Variants in ERG observed in about 807,000 individuals in gnomAD.
ERG encodes the protein transcriptional regulator ERG.
In ERG, 9 loss-of-function variants were observed where a neutral mutation model predicts 55.3. That is an observed-to-expected ratio of 0.16 (90% CI 0.10 to 0.28). The LOEUF is 0.28. ERG is among the 10% of genes least tolerant of loss of function. The pLI, the probability that ERG is intolerant of heterozygous loss-of-function variation, is 1.00. For missense variants in ERG, 434 were observed against 631.6 expected (o/e 0.69, Z 3.35); for synonymous variants, 223 against 237.3 (o/e 0.94, Z 0.55).
At chr21:38,592,837 G>T (rs1041297166) in intron 1 of ERG, among the ~76,000 whole-genome samples, 9 of 152,136 alleles carry the variant, frequency 5.9e-5, no homozygotes, top group African/African-American at 2.4e-5. Flanking sequence ...CTTCTTGTCA[G>T]TCTTATTTCA....
Position 38,383,199 on chromosome 21 carries a change from A to G in ERG, c.*204T>C, listed in dbSNP as rs371955859. 1.8e-4 allele frequency: 236 copies of G among 1,285,006 alleles called. 2 individuals are homozygous for G. In the African/African-American group the frequency reaches 3.3e-3, roughly 18 times the overall value. 79.6% of individuals were successfully genotyped at this position (1,285,006 alleles called of 1,614,324 possible). ...CAGATGATATGTCCATATTCGTGAC[A>G]TTTTTAGCATCCTCCTCATTTCTGT... On this transcript the variant is annotated 3_prime_UTR_variant, in exon 10 of 10. Transcript: ENST00000288319. This position sits in a 1 kb window ranked among gnomAD's most constrained non-coding sequence, Gnocchi z 5.7.
At chr21:38,465,686 C>T (rs927921811) in intron 1 of ERG, among the ~76,000 whole-genome samples, 5 of 152,146 alleles carry the variant, frequency 3.3e-5, no homozygotes, top group African/African-American at 1.2e-4. Context: ...CTATCTTCCT[C>T]TCGGGTTTGC....
At chr21:38,538,733 G>A (rs2059729714) in intron 2 of ERG, among the ~76,000 whole-genome samples, 1 of 152,018 alleles carries the variant, frequency 6.6e-6, no homozygotes, top group Admixed American at 6.5e-5. Context: ...GGGGACAGAA[G>A]ACATGTGGGC....
chr21:38,414,807 C>T (rs1989208214), intron 3 of ERG, among the ~76,000 whole-genome samples: 1 of 120,324 alleles, frequency 8.3e-6, no homozygotes, highest in African/African-American at 2.8e-5. Flanking sequence ...ACTGAAATCA[C>T]CTATTTTAAA....
At chr21:38,398,685 T>C (rs953565118) in intron 6 of ERG, among the ~76,000 whole-genome samples, 1 of 152,148 alleles carries the variant, frequency 6.6e-6, no homozygotes, top group Admixed American at 6.5e-5. Context: ...GGATGGGCCA[T>C]ACCTTCCAAA....
intron 2 of ERG, among the ~76,000 whole-genome samples, chr21:38,516,859 T>A (rs1333517765): frequency 1.3e-5 from 2 of 151,836 alleles, no homozygotes; most frequent in Non-Finnish European, 2.9e-5. Flanking sequence ...GTAACATACA[T>A]TGGGAAAAAG....
At chr21:38,521,626 A>G (rs971657801) in intron 2 of ERG, among the ~76,000 whole-genome samples, 2 of 152,224 alleles carry the variant, frequency 1.3e-5, no homozygotes, top group African/African-American at 4.8e-5. Context: ...GTACAAGTGA[A>G]GTTCATTGAA....
At chr21:38,473,083 G>C (rs1182519598) in intron 1 of ERG, among the ~76,000 whole-genome samples, 3 of 150,918 alleles carry the variant, frequency 2.0e-5, no homozygotes, top group Non-Finnish European at 2.9e-5. Flanking sequence ...GTAGTTCTGA[G>C]GTGTAGCAAG....
chr21:38,525,881 A>G (rs1051461852), intron 2 of ERG, among the ~76,000 whole-genome samples: 5 of 152,186 alleles, frequency 3.3e-5, no homozygotes, highest in African/African-American at 1.2e-4. Context: ...GGCCAATGAG[A>G]GCTCTGAACA....
intron 2 of ERG, among the ~76,000 whole-genome samples, chr21:38,526,734 CTATT>C (rs1312411012): frequency 6.6e-6 from 1 of 152,080 alleles, no homozygotes; most frequent in East Asian, 1.9e-4. Context: ...TGTACTAACT[CTATT>C]TACTAAAATG....
chr21:38,456,395 G>A lies in ERG; in HGVS notation c.19-10774C>T, dbSNP rs111827274. 9.5e-3 allele frequency among the ~76,000 whole-genome samples: 1,447 copies of A among 152,154 alleles called. 9 individuals are homozygous for A. The highest frequency in any genetic ancestry group is 0.016 in the Non-Finnish European group (1,060 of 67,992). On this transcript the variant is annotated intron_variant, in intron 1 of 9. Transcript: ENST00000288319. ...ATCTACTCTCTTGCATGGGAATATG[G>A]CATCTGTTCTACACATAAAGCACTT...
intron 1 of ERG, among the ~76,000 whole-genome samples, chr21:38,492,940 C>G (rs1241667058): frequency 6.6e-6 from 1 of 152,106 alleles, no homozygotes; most frequent in East Asian, 1.9e-4. Context: ...AGATTCTGTT[C>G]TTATCTGTCA....
At chr21:38,424,185 GAGCTCTCTCTCTCTCTCT>G (rs1989702612) in intron 2 of ERG, among the ~76,000 whole-genome samples, 2 of 58,560 alleles carry the variant, frequency 3.4e-5, no homozygotes, top group Admixed American at 1.5e-4. Flanking sequence ...ACCAGAGCTC[GAGCTCTCTCTCTCTCTCT>G]CTCTCTCTCT....
chr21:38,520,722 T>TGACTGGAGGCAGAGAGCAC (rs2059588401), intron 2 of ERG, among the ~76,000 whole-genome samples: 1 of 152,158 alleles, frequency 6.6e-6, no homozygotes, highest in Non-Finnish European at 1.5e-5. Flanking sequence ...GACTGGTGAT[T>TGACTGGAGGCAGAGAGCAC]GACTGGAGGC....
chr21:38,505,125 T>A (rs2059450358), intron 2 of ERG, among the ~76,000 whole-genome samples: 2 of 152,296 alleles, frequency 1.3e-5, no homozygotes, highest in Non-Finnish European at 2.9e-5. Flanking sequence ...TTTATTTCCA[T>A]CACAAATGGA....
chr21:38,429,574 CAT>C lies in ERG; in HGVS notation c.237-6015_237-6014del, dbSNP rs1227482196. On this transcript the variant is annotated intron_variant, in intron 2 of 9. Transcript: ENST00000288319. The stretch of plus-strand genomic sequence containing the variant: ...GTATATGTACATGTATACACATGTA[CAT>C]ATATACATATGTGTATATGTACATG... 1.3e-4 allele frequency among the ~76,000 whole-genome samples: 11 copies of C among 87,662 alleles called. 2 individuals carry two copies. Among genetic ancestry groups the C allele is most frequent in the African/African-American group, 4.0e-4 (11 of 27,436 alleles). 57.5% of individuals were successfully genotyped at this position (87,662 alleles called of 152,430 possible). A position where few individuals can be genotyped will look rare whatever the true frequency, so the allele number is the denominator to read the frequency against.
rs140555220 is a variant in ERG, at chr21:38,511,597, A to G, written c.-41+64065T>C. 1.5e-3 allele frequency among the ~76,000 whole-genome samples: 221 copies of G among 152,364 alleles called. 1 individual carries two copies. The highest frequency in any genetic ancestry group is 5.1e-3 in the African/African-American group (213 of 41,586). ...TAGGAAAGAAAAAACAATTCTGCCA[A>G]TGAAAATTCACCGTAATACTTTCTA... On this transcript the variant is annotated intron_variant, in intron 2 of 8. Coordinates refer to the ERG transcript ENST00000398897.
intron 1 of ERG, among the ~76,000 whole-genome samples, chr21:38,447,584 A>T (rs2058903774): frequency 6.6e-6 from 1 of 150,980 alleles, no homozygotes; most frequent in African/African-American, 2.4e-5. Flanking sequence ...GTCACAATTG[A>T]GTGGCCAAAA....
At chr21:38,515,774 A>C (rs1242498818) in intron 2 of ERG, among the ~76,000 whole-genome samples, 1 of 152,072 alleles carries the variant, frequency 6.6e-6, no homozygotes, top group Non-Finnish European at 1.5e-5. Flanking sequence ...CACATCAAAA[A>C]GATAATGCAC....
Sources: allele counts gnomAD v4.1 joint callset (sites outside exome capture counted in the v4.1 genomes callset), GRCh38; gene constraint gnomAD v4.1.1; non-coding constraint Gnocchi (gnomAD v3.1); transcripts MANE v1.5; gene names NCBI Gene and HGNC (gene_info 2026-07-23, HGNC 2026-07-21).